CRB1: variants seen among roughly 807,000 people sequenced by gnomAD.
CRB1 encodes crumbs cell polarity complex component 1.
A neutral mutation model predicts 120.0 loss-of-function variants in CRB1; 83 were observed. That is an observed-to-expected ratio of 0.69 (90% CI 0.58 to 0.83). The LOEUF (loss-of-function observed/expected upper bound fraction) is 0.83. CRB1 is among the 40% of genes least tolerant of loss of function. The pLI is 0.00. For missense variants in CRB1, 1,699 were observed against 1,687.6 expected (o/e 1.01, Z -0.12); for synonymous variants, 625 against 612.5 (o/e 1.02, Z -0.30).
intron 5 of CRB1, among the ~76,000 whole-genome samples, chr1:197,416,239 T>C (rs938154526): frequency 6.6e-6 from 1 of 152,244 alleles, no homozygotes; most frequent in Non-Finnish European, 1.5e-5. Flanking sequence ...TTATACATGA[T>C]ATGTAATCAA....
chr1:197,371,205 T>C (rs561823288), intron 5 of CRB1, among the ~76,000 whole-genome samples: 9 of 152,278 alleles, frequency 5.9e-5, no homozygotes, highest in Non-Finnish European at 1.3e-4. Flanking sequence ...GCTCACCTGA[T>C]TCTTTCTCTC....
intron 1 of CRB1, among the ~76,000 whole-genome samples, chr1:197,322,028 G>A (rs1037161006): frequency 2.6e-5 from 4 of 152,074 alleles, no homozygotes; most frequent in African/African-American, 9.7e-5. Context: ...ACAAAAATGC[G>A]AGAAAACTGT....
Position 197,421,223 on chromosome 1 carries a change from T to C in CRB1, c.1395T>C (p.His465=). ...TCCCTCACTTCCAAGATGGCCAGCA[T>C]GGATTCAGCTGCCTATGTCCATCTG... The part of the protein sequence containing the change: ...TCIPHFQDGQ[H]GFSCLCPSGY... Residue 465 remains histidine (H), a synonymous_variant, in exon 6 of 12, where the codon CAT becomes CAC. Transcript: ENST00000367400. 1.2e-6 allele frequency: 2 copies of C among 1,614,232 alleles called. No individual in the cohort carries two copies. The highest frequency in any genetic ancestry group is 1.7e-6 in the Non-Finnish European group (2 of 1,180,034).
chr1:197,340,054 C>T (rs554862743), intron 2 of CRB1, among the ~76,000 whole-genome samples: 3 of 152,140 alleles, frequency 2.0e-5, no homozygotes, highest in Admixed American at 6.5e-5. Context: ...AAGGCCCTGA[C>T]CTCAAGGAGC....
intron 1 of CRB1, among the ~76,000 whole-genome samples, chr1:197,326,825 C>G (rs1384340971): frequency 1.3e-5 from 2 of 151,736 alleles, no homozygotes; most frequent in Admixed American, 1.3e-4. Context: ...CATTGTTAGG[C>G]TTTCTATGTA....
intron 5 of CRB1, among the ~76,000 whole-genome samples, chr1:197,377,062 A>T (rs116653119): frequency 6.6e-6 from 1 of 152,090 alleles, no homozygotes; most frequent in African/African-American, 2.4e-5. Flanking sequence ...TTCAAAGACC[A>T]CTTTTCCAGA....
At chr1:197,395,667 T>G (rs1323801620) in intron 5 of CRB1, among the ~76,000 whole-genome samples, 1 of 152,290 alleles carries the variant, frequency 6.6e-6, no homozygotes, top group Non-Finnish European at 1.5e-5. Flanking sequence ...CGGACCTCCC[T>G]GGTTCATTGA....
intron 5 of CRB1, among the ~76,000 whole-genome samples, chr1:197,411,811 T>G (rs1469408926): frequency 1.3e-5 from 2 of 152,188 alleles, no homozygotes; most frequent in African/African-American, 4.8e-5. Flanking sequence ...AAGTACAGAT[T>G]TTTTTACATA....
At chr1:197,277,291 G>C (rs1465733453) in intron 1 of CRB1, among the ~76,000 whole-genome samples, 1 of 151,892 alleles carries the variant, frequency 6.6e-6, no homozygotes, top group Non-Finnish European at 1.5e-5. Context: ...CCACGTAATT[G>C]TCCTGATAAT....
At chr1:197,216,093 T>A in the CRB1 span, among the ~76,000 whole-genome samples, 1 of 152,204 alleles carries the variant, frequency 6.6e-6, no homozygotes, top group South Asian at 2.1e-4. Context: ...GCCTTCTGAA[T>A]GTAGAGTTTC....
At chr1:197,315,371 G>A (rs1214670083) in intron 1 of CRB1, among the ~76,000 whole-genome samples, 5 of 152,190 alleles carry the variant, frequency 3.3e-5, no homozygotes, top group South Asian at 2.1e-4. Flanking sequence ...AACAAATTTC[G>A]GAAAAGCTTG....
the CRB1 span, among the ~76,000 whole-genome samples, chr1:197,213,398 T>A: frequency 1.3e-5 from 2 of 152,148 alleles, no homozygotes; most frequent in Non-Finnish European, 2.9e-5. Context: ...TAGTTACTGA[T>A]TAGAAAGCAG....
intron 1 of CRB1, among the ~76,000 whole-genome samples, chr1:197,327,623 A>C (rs1658591543): frequency 6.6e-6 from 1 of 152,252 alleles, no homozygotes; most frequent in South Asian, 2.1e-4. Flanking sequence ...ACTTCTCAGC[A>C]GACAAAAAAA....
At chr1:197,386,703 T>C (rs1446569493) in intron 5 of CRB1, among the ~76,000 whole-genome samples, 6 of 152,174 alleles carry the variant, frequency 3.9e-5, no homozygotes, top group African/African-American at 1.4e-4. Flanking sequence ...AGGTTCTTTA[T>C]ACAATCTAAG....
the CRB1 span, chr1:197,223,098 A>G: frequency 1.2e-6 from 1 of 810,266 alleles, no homozygotes; most frequent in Non-Finnish European, 2.2e-6. Context: ...AACCTTGCGT[A>G]TAATTTTGAA....
rs116030399 is a variant in CRB1, at chr1:197,456,283, A to G, written c.4005+13991A>G. 7.1e-3 allele frequency among the ~76,000 whole-genome samples: 1,086 copies of G among 152,268 alleles called. 16 individuals carry two copies. The highest frequency in any genetic ancestry group is 0.025 in the African/African-American group (1,023 of 41,580). The stretch of plus-strand genomic sequence containing the variant: ...TTCCTTGACTTTTTCAGTAGCCAGC[A>G]TCATCCTGAGTAAGTATATACTCAA... On this transcript the variant is annotated intron_variant, in intron 11 of 11. Transcript: ENST00000367400.
chr1:197,242,146 C>T, the CRB1 span, among the ~76,000 whole-genome samples: 5 of 152,120 alleles, frequency 3.3e-5, no homozygotes, highest in African/African-American at 1.2e-4. Flanking sequence ...GACAATTTGA[C>T]TTCCTCTCTT....
At chr1:197,413,797 GAGTCAAAACCA>G (rs911606071) in intron 5 of CRB1, 1 of 376,512 alleles carries the variant, frequency 2.7e-6, no homozygotes, top group African/African-American at 2.1e-5. Context: ...GGAGGGAAAT[GAGTCAAAACCA>G]AGTCCCCATA....
chr1:197,404,970 A>G (rs1401062541), intron 5 of CRB1, among the ~76,000 whole-genome samples: 1 of 152,158 alleles, frequency 6.6e-6, no homozygotes. Flanking sequence ...TAATACAGTA[A>G]AATACTTAGC....
Sources: allele counts gnomAD v4.1 joint callset (sites outside exome capture counted in the v4.1 genomes callset), GRCh38; gene constraint gnomAD v4.1.1; transcripts MANE v1.5; gene names NCBI Gene and HGNC (gene_info 2026-07-23, HGNC 2026-07-21).